The following GALNT10 variants were observed in gnomAD, a reference collection of about 807,000 sequenced individuals.
GALNT10 encodes the protein GalNAc transferase 10.
GALNT10 carries 41 observed loss-of-function variants against 75.0 expected under a neutral mutation model. That is an observed-to-expected ratio of 0.55 (90% CI 0.43 to 0.71). GALNT10 has a LOEUF of 0.71. Among genes scored for constraint, GALNT10 ranks in the 30% least tolerant of loss-of-function variants. GALNT10 has a pLI of 0.00. For synonymous variants in GALNT10, 302 were observed against 313.0 expected, an observed-to-expected ratio of 0.96 and a Z score of 0.37; for missense variants, 727 against 818.5, an observed-to-expected ratio of 0.89 and a Z score of 1.36.
chr5:154,329,805 A>G (rs1754817816), intron 4 of GALNT10, 67 bp downstream of exon 4: 2 of 1,163,060 alleles, frequency 1.7e-6, no homozygotes, highest in Non-Finnish European at 2.5e-6. Context: ...AAGGGATGGC[A>G]GGTTTTCCCT....
chr5:154,250,089 G>A (rs771756322), intron 1 of GALNT10, among the ~76,000 whole-genome samples: 12 of 152,116 alleles, frequency 7.9e-5, no homozygotes, highest in African/African-American at 1.4e-4. Context: ...CCCCGTTCCC[G>A]GGGATCAACT....
At chr5:154,259,627 G>A (rs1488004127) in intron 1 of GALNT10, among the ~76,000 whole-genome samples, 1 of 152,092 alleles carries the variant, frequency 6.6e-6, no homozygotes, top group Non-Finnish European at 1.5e-5. Context: ...CAGCCCAGCA[G>A]CCTCTCCCAC....
chr5:154,291,619 T>C (rs1348651152), intron 1 of GALNT10, among the ~76,000 whole-genome samples: 1 of 152,210 alleles, frequency 6.6e-6, no homozygotes, highest in Non-Finnish European at 1.5e-5. Flanking sequence ...ACCCAACTTT[T>C]GGAATTTCTT....
chr5:154,213,024 A>C (rs1224470738), intron 1 of GALNT10, among the ~76,000 whole-genome samples: 1 of 151,986 alleles, frequency 6.6e-6, no homozygotes, highest in Non-Finnish European at 1.5e-5. Context: ...TTTAAATTTC[A>C]ACGCTTCTAC....
At chr5:154,236,920 C>A (rs1040794039) in intron 1 of GALNT10, among the ~76,000 whole-genome samples, 2 of 152,184 alleles carry the variant, frequency 1.3e-5, no homozygotes, top group Admixed American at 1.3e-4. Flanking sequence ...TGTCTCAGGC[C>A]TCAGCCTGCC....
chr5:154,269,299 G>C (rs770488641), intron 1 of GALNT10, among the ~76,000 whole-genome samples: 1 of 152,098 alleles, frequency 6.6e-6, no homozygotes, highest in Non-Finnish European at 1.5e-5. Flanking sequence ...AGCTATTATT[G>C]TTCCTTTCCA....
intron 3 of GALNT10, among the ~76,000 whole-genome samples, chr5:154,318,629 G>A (rs1754632373): frequency 6.6e-6 from 1 of 152,164 alleles, no homozygotes; most frequent in African/African-American, 2.4e-5. Context: ...AGTGCCTACA[G>A]CACTGTCTGG....
intron 1 of GALNT10, among the ~76,000 whole-genome samples, chr5:154,213,090 TAATATGC>T (rs1438559979): frequency 2.0e-5 from 3 of 152,200 alleles, no homozygotes; most frequent in Admixed American, 6.5e-5. Flanking sequence ...TCCTAATCTG[TAATATGC>T]ATATAAAACT....
chr5:154,295,894 T>TGA (rs1249257077), intron 2 of GALNT10, among the ~76,000 whole-genome samples: 10 of 152,208 alleles, frequency 6.6e-5, no homozygotes, highest in African/African-American at 2.2e-4. Flanking sequence ...TTGGTATTAA[T>TGA]ATTTTATTCA....
intron 1 of GALNT10, among the ~76,000 whole-genome samples, chr5:154,291,415 CCCTAGA>C (rs1473117078): frequency 6.6e-6 from 1 of 152,148 alleles, no homozygotes; most frequent in Non-Finnish European, 1.5e-5. Flanking sequence ...TCAGGCCCCG[CCCTAGA>C]CCTACTGTGC....
chr5:154,232,731 G>A (rs1221296655), intron 1 of GALNT10, among the ~76,000 whole-genome samples: 1 of 152,166 alleles, frequency 6.6e-6, no homozygotes, highest in African/African-American at 2.4e-5. Context: ...GAGAAAGAGT[G>A]CAGTGTGGCA....
chr5:154,243,898 A>T (rs1209892424), intron 1 of GALNT10, among the ~76,000 whole-genome samples: 1 of 152,196 alleles, frequency 6.6e-6, no homozygotes, highest in Non-Finnish European at 1.5e-5. Context: ...CTTAATAAGG[A>T]TTTACATTCC....
intron 1 of GALNT10, among the ~76,000 whole-genome samples, chr5:154,248,244 T>C (rs1406127890): frequency 6.6e-6 from 1 of 152,274 alleles, no homozygotes; most frequent in Non-Finnish European, 1.5e-5. Context: ...TGCATTGATG[T>C]TCATCAGGGA....
chr5:154,286,554 A>T (rs1224577834), intron 1 of GALNT10, among the ~76,000 whole-genome samples: 1 of 152,194 alleles, frequency 6.6e-6, no homozygotes, highest in East Asian at 1.9e-4. Flanking sequence ...CTGTTTAAAA[A>T]ATCTTTTAAT....
chr5:154,213,595 G>T (rs998500375), intron 1 of GALNT10, among the ~76,000 whole-genome samples: 1 of 152,136 alleles, frequency 6.6e-6, no homozygotes, highest in Non-Finnish European at 1.5e-5. Context: ...AGTCTATGCC[G>T]TGGGGTTATT....
intron 7 of GALNT10, among the ~76,000 whole-genome samples, chr5:154,395,356 T>G (rs1755994509): frequency 6.6e-6 from 1 of 152,240 alleles, no homozygotes; most frequent in African/African-American, 2.4e-5. Context: ...AGCTAGCTGC[T>G]GTGTGACTTT....
intron 3 of GALNT10, among the ~76,000 whole-genome samples, chr5:154,312,271 C>T (rs959962063): frequency 2.0e-5 from 3 of 152,186 alleles, no homozygotes; most frequent in African/African-American, 7.2e-5. Context: ...AGCACTGTTA[C>T]ATAGAAGAGA....
intron 4 of GALNT10, 130 bp downstream of exon 4, chr5:154,329,868 CACTGTGCACACATTT>C (rs1434259953): frequency 3.6e-4 from 206 of 578,456 alleles, no homozygotes; most frequent in African/African-American, 3.4e-3. Context: ...CTGGACGTTG[CACTGTGCACACATTT>C]TCTCATTTAA....
At chr5:154,358,785 A>C (rs1193770746) in intron 4 of GALNT10, among the ~76,000 whole-genome samples, 1 of 152,166 alleles carries the variant, frequency 6.6e-6, no homozygotes, top group East Asian at 1.9e-4. Context: ...CAGGGCAGGA[A>C]AGTGACCTTT....
Sources: allele counts gnomAD v4.1 joint callset (sites outside exome capture counted in the v4.1 genomes callset), GRCh38; gene constraint gnomAD v4.1.1; transcripts MANE v1.5; gene names NCBI Gene and HGNC (gene_info 2026-07-23, HGNC 2026-07-21).